The following NXN variants were observed in gnomAD, a reference collection of about 807,000 sequenced individuals.
The protein encoded by NXN is nucleoredoxin 1.
Under a neutral mutation model 48.6 loss-of-function variants are expected in NXN, and 16 were observed. The ratio of observed to expected loss-of-function variants is 0.33; its 90% CI spans 0.22 to 0.50. The LOEUF (loss-of-function observed/expected upper bound fraction) is 0.50, where lower values mean the gene tolerates loss of function less well. Among genes scored for constraint, NXN ranks in the 20% least tolerant of loss-of-function variants. The probability of loss-of-function intolerance (pLI) is 0.98; values close to 1 mark genes in which losing one functional copy is unlikely to be tolerated. For missense variants in NXN, 492 were observed against 605.5 expected, an observed-to-expected ratio of 0.81 and a Z score of 1.97; for synonymous variants, 281 against 269.6, an observed-to-expected ratio of 1.04 and a Z score of -0.41.
At chr17:845,785 C>T (rs538362942) in intron 1 of NXN, among the ~76,000 whole-genome samples, 4 of 152,344 alleles carry the variant, frequency 2.6e-5, no homozygotes, top group Non-Finnish European at 4.4e-5. Flanking sequence ...CAGGCAAATA[C>T]GCCGGGTGTG....
rs35630662 is a variant in NXN, at chr17:849,606, G to A, written c.361-23528C>T. Among the ~76,000 whole-genome samples the A allele has an allele frequency of 0.032, 4,941 of 152,172 alleles. 213 individuals are homozygous for A. The highest frequency in any genetic ancestry group is 0.22 in the East Asian group (1,137 of 5,162). ...ACTGGCCCTCTCAGCCTCAGGGGCC[G>A]CTGGACTCCCTCTTCCCTCCCTCCA... On this transcript the variant is annotated intron_variant, in intron 1 of 7. Transcript: ENST00000336868. The surrounding 1 kb of genome is among the most constrained non-coding windows in gnomAD (Gnocchi z 4.2).
rs370237100 is a variant in NXN at position 821,866 on chromosome 17, C to G, written c.713+491G>C. On this transcript the variant is annotated intron_variant, in intron 4 of 7. Coordinates refer to ENST00000336868, the MANE Select transcript of NXN (RefSeq NM_022463.5). Reference sequence around the variant, plus strand: ...CCCTTCCCTGTCTCTTCACCACAATCTAAAAAGCTGAGCAAATCAGAAAAT... The same window carrying G: ...CCCTTCCCTGTCTCTTCACCACAATGTAAAAAGCTGAGCAAATCAGAAAAT... Among the ~76,000 whole-genome samples, 3 of 152,082 alleles carry G rather than the reference C, an allele frequency of 2.0e-5. No homozygotes were observed. In the East Asian group the frequency reaches 5.8e-4, roughly 29 times the overall value.
chr17:898,291 G>A (rs557663155), intron 1 of NXN, among the ~76,000 whole-genome samples: 1 of 152,072 alleles, frequency 6.6e-6, no homozygotes, highest in Non-Finnish European at 1.5e-5. Flanking sequence ...CCCCAGTTGA[G>A]AACCACTTTC....
intron 5 of NXN, among the ~76,000 whole-genome samples, chr17:814,962 C>T (rs1305986935): frequency 3.3e-5 from 5 of 152,278 alleles, no homozygotes; most frequent in Non-Finnish European, 5.9e-5. Flanking sequence ...GATGGGGTTT[C>T]GCCATGTTGG....
rs143350006 is a variant in NXN, at chr17:836,389, G to A, written c.361-10311C>T. 1.6e-4 allele frequency among the ~76,000 whole-genome samples: 24 copies of A among 152,254 alleles called. 1 individual carries two copies. Among genetic ancestry groups the A allele is most frequent in the African/African-American group, 5.3e-4 (22 of 41,564 alleles). ...GTCAGCCAAGCCTTCTCGGGCAAAC[G>A]TCACCCCTGCCCTCCAGCCAAATGC... On this transcript the variant is annotated intron_variant, in intron 1 of 7. Transcript: ENST00000336868.
intron 1 of NXN, among the ~76,000 whole-genome samples, chr17:829,544 G>A (rs1043354781): frequency 2.0e-5 from 3 of 150,076 alleles, no homozygotes; most frequent in African/African-American, 4.9e-5. Flanking sequence ...ATGGTAGTTT[G>A]CTGCACCCAT....
chr17:897,089 C>T, intron 1 of NXN: 1 of 1,047,002 alleles, frequency 9.6e-7, no homozygotes, highest in South Asian at 2.3e-5. Context: ...ACTGGTAACC[C>T]ACGGCCACCG....
intron 1 of NXN, among the ~76,000 whole-genome samples, chr17:906,362 G>GT (rs1050034534): frequency 1.8e-4 from 27 of 151,476 alleles, no homozygotes; most frequent in East Asian, 5.8e-4. Flanking sequence ...GTTTTTTAAA[G>GT]TTTTTTTTTA....
At chr17:819,881 T>C (rs1912725841) in intron 4 of NXN, among the ~76,000 whole-genome samples, 1 of 152,190 alleles carries the variant, frequency 6.6e-6, no homozygotes, top group Admixed American at 6.5e-5. Flanking sequence ...AGCCACTGCA[T>C]ACCCGCGGGA....
At position 917,638 on chromosome 17, in the gene NXN, G is replaced by A. The variant is rs1177946685; in HGVS notation, c.360+61681C>T. ...TCTCCCACAAGGACGTGGCTCAGAC[G>A]CACGTCACCATCTCAACCCAATGTA... On this transcript the variant is annotated intron_variant, in intron 1 of 7. Coordinates refer to ENST00000336868, the MANE Select transcript of NXN (RefSeq NM_022463.5). This position sits in a 1 kb window ranked among gnomAD's most constrained non-coding sequence, Gnocchi z 4.5. Among the ~76,000 whole-genome samples the A allele has an allele frequency of 1.3e-5, 2 of 152,156 alleles. No individual in the cohort carries two copies. Among genetic ancestry groups the A allele is most frequent in the Non-Finnish European group, 2.9e-5 (2 of 68,036 alleles).
At chr17:855,080 C>G (rs1597666401) in intron 1 of NXN, among the ~76,000 whole-genome samples, 1 of 152,086 alleles carries the variant, frequency 6.6e-6, no homozygotes, top group East Asian at 1.9e-4. Context: ...AGTTTGAGAC[C>G]AGCCTGGGCA....
chr17:817,371 G>A (rs1037905361), intron 5 of NXN, among the ~76,000 whole-genome samples: 3 of 152,136 alleles, frequency 2.0e-5, no homozygotes, highest in Non-Finnish European at 2.9e-5. Context: ...AAGAAAAAAG[G>A]TCAAAGAGCC....
intron 1 of NXN, among the ~76,000 whole-genome samples, chr17:828,087 T>C (rs1913232297): frequency 6.6e-6 from 1 of 152,204 alleles, no homozygotes; most frequent in East Asian, 1.9e-4. Context: ...AGAACAATCC[T>C]GCACATCCAG....
intron 1 of NXN, among the ~76,000 whole-genome samples, chr17:948,825 CG>C (rs2069076340): frequency 7.0e-6 from 1 of 143,876 alleles, no homozygotes; most frequent in African/African-American, 2.6e-5. Flanking sequence ...CCTCTCCCCG[CG>C]GCCTCCTCCT....
At chr17:808,902 C>G (rs558191544) in intron 5 of NXN, among the ~76,000 whole-genome samples, 3 of 151,996 alleles carry the variant, frequency 2.0e-5, no homozygotes, top group Non-Finnish European at 2.9e-5. Context: ...GTCTCAAACT[C>G]CTGACCTCAA....
At chr17:842,549 C>G in intron 1 of NXN, 1 of 985,428 alleles carries the variant, frequency 1.0e-6, no homozygotes, top group Non-Finnish European at 1.2e-6. Context: ...ACCAGAGGCA[C>G]CTACGGCACA....
chr17:928,573 C>T (rs116504616), intron 1 of NXN, among the ~76,000 whole-genome samples: 36 of 152,312 alleles, frequency 2.4e-4, no homozygotes, highest in African/African-American at 8.2e-4. Context: ...CGGTGGCTCA[C>T]GCCTGTAATC....
intron 1 of NXN, among the ~76,000 whole-genome samples, chr17:902,537 G>A (rs1230807627): frequency 6.6e-6 from 1 of 152,146 alleles, no homozygotes; most frequent in African/African-American, 2.4e-5. Flanking sequence ...GGTGAGCAGA[G>A]AAAGCTTTTT....
intron 1 of NXN, among the ~76,000 whole-genome samples, chr17:973,182 C>A (rs1412006546): frequency 6.6e-6 from 1 of 152,214 alleles, no homozygotes; most frequent in African/African-American, 2.4e-5. Flanking sequence ...GAGCTGCTAA[C>A]TGGGAGATGA....
Sources: gnomAD v4.1 joint callset for allele counts (sites outside exome capture counted in the v4.1 genomes callset) on GRCh38, gnomAD v4.1.1 for gene constraint, Gnocchi (gnomAD v3.1) non-coding constraint, MANE v1.5 for transcripts, NCBI Gene and HGNC (gene_info 2026-07-23, HGNC 2026-07-21) for gene names.